The following DNAH17 variants were observed in gnomAD, a reference collection of about 807,000 sequenced individuals.
DNAH17 encodes the protein axonemal beta dynein heavy chain 17.
A neutral mutation model predicts 485.6 loss-of-function variants in DNAH17; 376 were observed. The observed-to-expected ratio is 0.77, with a 90% CI of 0.71 to 0.84. The LOEUF is 0.84. Among genes scored for constraint, DNAH17 ranks in the 40% least tolerant of loss-of-function variants. The pLI, the probability that DNAH17 is intolerant of heterozygous loss-of-function variation, is 0.00. For missense variants in DNAH17, 6,370 were observed against 5,839.3 expected (o/e 1.09, Z -2.96); for synonymous variants, 3,031 against 2,405.9 (o/e 1.26, Z -7.60).
At chr17:78,545,761 T>G (rs1489302920) in intron 16 of DNAH17, among the ~76,000 whole-genome samples, 1 of 152,170 alleles carries the variant, frequency 6.6e-6, no homozygotes, top group Non-Finnish European at 1.5e-5. Context: ...TTCTAATAGC[T>G]TTTGCTTTTA....
Position 78,479,348 on chromosome 17 carries a change from C to T in DNAH17, c.7900+137G>A, listed in dbSNP as rs1243972149. 7 of 1,228,260 alleles carry T rather than the reference C, an allele frequency of 5.7e-6. No individual in the cohort carries two copies. In the East Asian group the frequency reaches 7.9e-5, roughly 14 times the overall value. The allele number at this position is 1,228,260 out of a possible 1,614,324, so 76.1% of individuals were successfully genotyped here. A position where few individuals can be genotyped will look rare whatever the true frequency, so the allele number is the denominator to read the frequency against. On this transcript the variant is annotated intron_variant, in intron 50 of 80. Coordinates refer to ENST00000389840, the MANE Select transcript of DNAH17 (RefSeq NM_173628.4). ...AATTGTATTTCACAATTTCTCCTGT[C>T]GAAACATAGCATCGTTTTTAAGATA...
chr17:78,501,650 G>A lies in DNAH17; in HGVS notation c.5322+92C>T, dbSNP rs1029619746. ...AACAGAGTCAGTGCCCCAGGAAGAG[G>A]AAGTGGCAGGGTCTGAAGTCCCTGA... On this transcript the variant is annotated intron_variant, in intron 34 of 80. Coordinates refer to ENST00000389840, the MANE Select transcript of DNAH17 (RefSeq NM_173628.4). The A allele has an allele frequency of 8.0e-6, 12 of 1,505,888 alleles. No individual in the cohort carries two copies. The African/African-American group carries it at 1.5e-4, about 19-fold the overall frequency. The allele number at this position is 1,505,888 out of a possible 1,614,324, so 93.3% of individuals were successfully genotyped here. A position where few individuals can be genotyped will look rare whatever the true frequency, so the allele number is the denominator to read the frequency against.
chr17:78,463,141 C>T (rs1381154906), intron 56 of DNAH17, 64 bp from the exon 57 acceptor site: 1 of 1,486,234 alleles, frequency 6.7e-7, no homozygotes, highest in Non-Finnish European at 9.3e-7. Context: ...AAGTGGGGCT[C>T]CCCAGACTCA....
Position 78,485,698 on chromosome 17 carries a change from C to A in DNAH17, c.7335G>T (p.Met2445Ile). The A allele has an allele frequency of 1.2e-6, 2 of 1,614,008 alleles. No individual in the cohort carries two copies. Among genetic ancestry groups the A allele is most frequent in the Non-Finnish European group, 1.7e-6 (2 of 1,179,892 alleles). The change falls in exon 47 of 81, where the codon ATG (methionine) becomes ATT (isoleucine). Residue 2445 changes from methionine (M) to isoleucine (I), a missense_variant. Coordinates refer to ENST00000389840, the MANE Select transcript of DNAH17 (RefSeq NM_173628.4). Reference protein sequence around the residue: ...IRIRYFMDLLMEKSWPVMLVG... With the variant: ...IRIRYFMDLLIEKSWPVMLVG... ...CCAGCATCACCGGCCAGGACTTCTC[C>A]ATGAGCAGGTCCATGAAGTAGCGGA...
chr17:78,481,164 A>G (rs1465238358), intron 48 of DNAH17, among the ~76,000 whole-genome samples: 2 of 142,478 alleles, frequency 1.4e-5, no homozygotes, highest in Non-Finnish European at 3.0e-5. Flanking sequence ...GTGCAGTGGC[A>G]TGATCTTGGC....
intron 22 of DNAH17, among the ~76,000 whole-genome samples, chr17:78,528,459 C>T (rs922769719): frequency 6.6e-6 from 1 of 152,178 alleles, no homozygotes; most frequent in African/African-American, 2.4e-5. Flanking sequence ...TTTTCCTGTG[C>T]TGCCCAGGCC....
intron 54 of DNAH17, among the ~76,000 whole-genome samples, chr17:78,470,211 G>C (rs1274689972): frequency 6.6e-6 from 1 of 150,788 alleles, no homozygotes; most frequent in Non-Finnish European, 1.5e-5. Context: ...GAGATTACAG[G>C]CATGTGCCAC....
chr17:78,545,821 GACA>G (rs778689401), intron 16 of DNAH17, among the ~76,000 whole-genome samples: 4 of 152,136 alleles, frequency 2.6e-5, no homozygotes, highest in East Asian at 3.9e-4. Context: ...AACATTTTAG[GACA>G]ACTATAATTT....
intron 19 of DNAH17, among the ~76,000 whole-genome samples, chr17:78,535,561 C>A (rs865991262): frequency 6.6e-5 from 10 of 152,324 alleles, no homozygotes; most frequent in African/African-American, 2.4e-4. Flanking sequence ...CACATCCCTC[C>A]CTCCTGGACA....
intron 57 of DNAH17, among the ~76,000 whole-genome samples, 185 bp downstream of exon 57, chr17:78,462,659 T>G (rs1258632230): frequency 6.6e-6 from 1 of 152,218 alleles, no homozygotes; most frequent in African/African-American, 2.4e-5. Flanking sequence ...CTGTTTTTTG[T>G]TACGACAAGT....
Position 78,466,799 on chromosome 17 carries a change from G to A in DNAH17, c.8796C>T (p.Ser2932=). 6.3e-7 allele frequency: 1 copy of A among 1,595,744 alleles called. No individual in the cohort carries two copies. The highest frequency in any genetic ancestry group is 2.3e-5 in the East Asian group (1 of 43,510). ...GTACCCGCAGCACGGAGCCCACAGG[G>A]GAGAAACACAGGATCACCTGGGTGT... ...RRQLKVILCF[S]PVGSVLRVRA... The change falls in exon 56 of 81, where the codon TCC becomes TCT. Residue 2932 remains serine, a synonymous_variant. Coordinates refer to ENST00000389840, the MANE Select transcript of DNAH17 (RefSeq NM_173628.4).
chr17:78,507,776 G>A lies in DNAH17; in HGVS notation c.4266C>T (p.Ser1422=). 6.3e-7 allele frequency: 1 copy of A among 1,583,744 alleles called. No homozygotes were observed. The highest frequency in any genetic ancestry group is 8.5e-7 in the Non-Finnish European group (1 of 1,171,964). ...GCGGCTCGTGCTGGAATTCCATCAT[G>A]CTCCAGGTACTGTCCAGGGCTTTCA... ...KVLKALDSTW[S]MMEFQHEPHP... is the part of the protein sequence containing the mutation. Residue 1422 remains serine (S), a synonymous_variant, in exon 28 of 81, where the codon AGC becomes AGT. Coordinates refer to ENST00000389840, the MANE Select transcript of DNAH17 (RefSeq NM_173628.4).
Position 78,453,485 on chromosome 17 carries a change from G to A in DNAH17, c.10407-20C>T, listed in dbSNP as rs1322478019. The stretch of plus-strand genomic sequence containing the variant: ...AGGTAGCTGCGGGCACAACACGGAA[G>A]CTGGTTCATGGCAGAGGGCCTCGTG... On this transcript the variant is annotated intron_variant, in intron 64 of 80. Coordinates refer to ENST00000389840, the MANE Select transcript of DNAH17 (RefSeq NM_173628.4). 10 of 1,613,312 alleles carry A rather than the reference G, an allele frequency of 6.2e-6. No homozygotes were observed. Among genetic ancestry groups the A allele is most frequent in the South Asian group, 2.2e-5 (2 of 91,080 alleles).
At chr17:78,499,153 G>A (rs372983991) in intron 36 of DNAH17, 41 bp from the exon 37 acceptor site, 20 of 1,431,812 alleles carry the variant, frequency 1.4e-5, no homozygotes, top group Non-Finnish European at 1.9e-5. Context: ...CTGGGAGGGT[G>A]ACAGGGAGGG....
At chr17:78,438,876 G>A (rs531458049) in intron 73 of DNAH17, among the ~76,000 whole-genome samples, 4 of 152,056 alleles carry the variant, frequency 2.6e-5, no homozygotes, top group African/African-American at 9.7e-5. Context: ...AAGAATCCAC[G>A]CTTTCCTCTG....
intron 21 of DNAH17, among the ~76,000 whole-genome samples, chr17:78,530,101 A>G (rs1181930746): frequency 6.6e-6 from 1 of 152,166 alleles, no homozygotes; most frequent in Admixed American, 6.6e-5. Flanking sequence ...TTTCCTCCGC[A>G]TCTGGCACCC....
At chr17:78,547,916 C>T (rs1411746418) in intron 16 of DNAH17, among the ~76,000 whole-genome samples, 4 of 152,210 alleles carry the variant, frequency 2.6e-5, no homozygotes, top group Non-Finnish European at 1.5e-5. Context: ...CCATGCCCAG[C>T]CTATTACTTC....
At chr17:78,456,322 TAAAAC>T (rs368906377) in intron 62 of DNAH17, among the ~76,000 whole-genome samples, 10 of 150,326 alleles carry the variant, frequency 6.7e-5, no homozygotes, top group African/African-American at 2.4e-5. Context: ...AAACAAAAAA[TAAAAC>T]AAACAAAAAA....
chr17:78,423,817 T>C lies in DNAH17; in HGVS notation c.*89A>G. On this transcript the variant is annotated 3_prime_UTR_variant, in exon 81 of 81. Coordinates refer to ENST00000389840, the MANE Select transcript of DNAH17 (RefSeq NM_173628.4). ...TAAGAGAACGAAAAACCACCACCAG[T>C]TCCTGTAAAGAATAAGTCACAGGTG... 1 of 1,502,236 alleles carries C rather than the reference T, an allele frequency of 6.7e-7. No individual in the cohort carries two copies. The highest frequency in any genetic ancestry group is 1.2e-5 in the South Asian group (1 of 81,478). The allele number at this position is 1,502,236 out of a possible 1,614,324, so 93.1% of individuals were successfully genotyped here.
Sources: gnomAD v4.1 joint callset for allele counts (sites outside exome capture counted in the v4.1 genomes callset) on GRCh38, gnomAD v4.1.1 for gene constraint, MANE v1.5 for transcripts, NCBI Gene and HGNC (gene_info 2026-07-23, HGNC 2026-07-21) for gene names.